Variants in LRGUK observed in about 807,000 individuals in gnomAD.
The protein encoded by LRGUK is leucine rich repeats and guanylate kinase domain containing, also known as leucine-rich repeat and guanylate kinase domain-containing protein.
Under a neutral mutation model 76.0 loss-of-function variants are expected in LRGUK, and 65 were observed. The ratio of observed to expected loss-of-function variants is 0.85; its 90% CI spans 0.70 to 1.05. The LOEUF is 1.05. Ranked by LOEUF, LRGUK falls within the 50% of genes least tolerant of loss-of-function variation. The probability of loss-of-function intolerance (pLI) is 0.00; values close to 1 mark genes in which losing one functional copy is unlikely to be tolerated. For missense variants in LRGUK, 758 were observed against 732.8 expected (o/e 1.03, Z -0.40); for synonymous variants, 268 against 265.6 (o/e 1.01, Z -0.09).
At chr7:134,143,932 G>A (rs542754837) in intron 4 of LRGUK, among the ~76,000 whole-genome samples, 69 of 152,248 alleles carry the variant, frequency 4.5e-4, no homozygotes, top group African/African-American at 1.6e-3. Context: ...CTGGTCCATC[G>A]GTCATACTTA....
chr7:134,175,317 T>C (rs1164228462), intron 8 of LRGUK, among the ~76,000 whole-genome samples: 1 of 152,200 alleles, frequency 6.6e-6, no homozygotes, highest in Admixed American at 6.5e-5. Context: ...GGCTCTTGAC[T>C]TTGCATGTAG....
chr7:134,168,317 A>G (rs991353381), intron 7 of LRGUK, among the ~76,000 whole-genome samples: 1 of 152,188 alleles, frequency 6.6e-6, no homozygotes, highest in Non-Finnish European at 1.5e-5. Flanking sequence ...GTAAGCTATT[A>G]TCACACCACT....
At chr7:134,253,451 G>T (rs115585139) in intron 18 of LRGUK, among the ~76,000 whole-genome samples, 24 of 152,300 alleles carry the variant, frequency 1.6e-4, no homozygotes, top group African/African-American at 5.8e-4. Flanking sequence ...TATGTAGGGG[G>T]AGTGTTATAA....
intron 1 of LRGUK, among the ~76,000 whole-genome samples, chr7:134,131,999 G>A (rs571579290): frequency 6.6e-6 from 1 of 152,206 alleles, no homozygotes; most frequent in South Asian, 2.1e-4. Context: ...GGGAAGGACT[G>A]GTAAGAGAAG....
intron 10 of LRGUK, 126 bp downstream of exon 10, chr7:134,178,735 G>A (rs1382750063): frequency 1.7e-6 from 1 of 571,538 alleles, no homozygotes; most frequent in East Asian, 3.0e-5. Flanking sequence ...CCCTTTCTCT[G>A]AGGGAAGGGG....
At chr7:134,194,613 T>C (rs1800405375) in intron 12 of LRGUK, among the ~76,000 whole-genome samples, 1 of 152,076 alleles carries the variant, frequency 6.6e-6, no homozygotes, top group African/African-American at 2.4e-5. Flanking sequence ...TAGGGGTTCA[T>C]GCCTGTAGTC....
intron 7 of LRGUK, among the ~76,000 whole-genome samples, chr7:134,171,024 T>A (rs1799216721): frequency 2.0e-5 from 3 of 152,220 alleles, no homozygotes; most frequent in Non-Finnish European, 4.4e-5. Flanking sequence ...CTTAAGATTC[T>A]ACTAAGATAC....
chr7:134,164,339 T>G (rs1162983197), intron 7 of LRGUK, among the ~76,000 whole-genome samples: 2 of 150,682 alleles, frequency 1.3e-5, no homozygotes, highest in Non-Finnish European at 1.5e-5. Context: ...AGGAAGGGAG[T>G]TCTTATATAC....
intron 19 of LRGUK, among the ~76,000 whole-genome samples, chr7:134,262,700 G>A (rs1293932475): frequency 6.6e-6 from 1 of 152,206 alleles, no homozygotes; most frequent in Non-Finnish European, 1.5e-5. Context: ...AGACTCAGTG[G>A]CTCATGCCTG....
chr7:134,197,190 T>A, intron 13 of LRGUK, 85 bp downstream of exon 13: 1 of 760,094 alleles, frequency 1.3e-6, no homozygotes. Flanking sequence ...TGTGTATATA[T>A]GTATAAACTT....
chr7:134,265,138 G>A (rs1161340762), downstream of LRGUK, among the ~76,000 whole-genome samples: 1 of 152,102 alleles, frequency 6.6e-6, no homozygotes, highest in Non-Finnish European at 1.5e-5. Flanking sequence ...GAAGTGGGGA[G>A]GAAGAGGATA....
chr7:134,173,193 C>T (rs11971913), intron 7 of LRGUK, among the ~76,000 whole-genome samples: 21,776 of 152,154 alleles, frequency 0.14, 2,221 homozygotes, highest in East Asian at 0.38. Flanking sequence ...AATAGTATAA[C>T]GTTGCTCTAA....
chr7:134,157,994 C>T (rs187773943), intron 5 of LRGUK, 41 bp from the exon 6 acceptor site: 3 of 1,571,010 alleles, frequency 1.9e-6, no homozygotes, highest in Admixed American at 3.4e-5. Context: ...CTTCCAAATG[C>T]TTTTAATAAC....
At chr7:134,260,612 T>G (rs1378308622) in intron 19 of LRGUK, among the ~76,000 whole-genome samples, 1 of 152,290 alleles carries the variant, frequency 6.6e-6, no homozygotes, top group East Asian at 1.9e-4. Flanking sequence ...GTGTGTGCTT[T>G]TTTCCCAGTT....
At chr7:134,206,385 C>T (rs1585554749) in intron 15 of LRGUK, among the ~76,000 whole-genome samples, 4 of 151,988 alleles carry the variant, frequency 2.6e-5, no homozygotes, top group South Asian at 2.1e-4. Context: ...CGTGGTGGTG[C>T]GTGCCTGTAA....
chr7:134,229,919 G>A (rs1193070471), intron 16 of LRGUK, among the ~76,000 whole-genome samples: 1 of 151,978 alleles, frequency 6.6e-6, no homozygotes, highest in Non-Finnish European at 1.5e-5. Context: ...AATGTGAAAA[G>A]CAAAATAATA....
chr7:134,248,162 G>A (rs1802356553), intron 17 of LRGUK, among the ~76,000 whole-genome samples: 1 of 152,228 alleles, frequency 6.6e-6, no homozygotes, highest in South Asian at 2.1e-4. Context: ...ATTTGTATGG[G>A]AGGTTGGGAG....
At chr7:134,169,414 G>A (rs898527914) in intron 7 of LRGUK, among the ~76,000 whole-genome samples, 1 of 152,146 alleles carries the variant, frequency 6.6e-6, no homozygotes, top group Non-Finnish European at 1.5e-5. Flanking sequence ...AGACCTCCAG[G>A]TTTGTGGTAG....
intron 5 of LRGUK, among the ~76,000 whole-genome samples, chr7:134,154,440 A>G (rs1299519618): frequency 6.6e-6 from 1 of 152,200 alleles, no homozygotes; most frequent in Non-Finnish European, 1.5e-5. Context: ...TCTATGGCCC[A>G]GGCCTGCATA....
Sources: gnomAD v4.1 joint callset for allele counts (sites outside exome capture counted in the v4.1 genomes callset) on GRCh38, gnomAD v4.1.1 for gene constraint, MANE v1.5 for transcripts, NCBI Gene and HGNC (gene_info 2026-07-23, HGNC 2026-07-21) for gene names.